Variants in SIAE observed in about 807,000 individuals in gnomAD.
The protein encoded by SIAE is sialic acid acetylesterase, also known as sialate O-acetylesterase.
In SIAE, 39 loss-of-function variants were observed where a neutral mutation model predicts 52.6. The ratio of observed to expected loss-of-function variants is 0.74; its 90% CI spans 0.57 to 0.97. The LOEUF is 0.97. SIAE is among the 50% of genes least tolerant of loss of function. SIAE has a pLI of 0.00. For synonymous variants in SIAE, 233 were observed against 241.4 expected, an observed-to-expected ratio of 0.97 and a Z score of 0.32; for missense variants, 592 against 662.1, an observed-to-expected ratio of 0.89 and a Z score of 1.16.
At chr11:124,672,980 G>GTCCA (rs752951818) in intron 1 of SIAE, among the ~76,000 whole-genome samples, 7 of 152,248 alleles carry the variant, frequency 4.6e-5, no homozygotes, top group Non-Finnish European at 1.0e-4. Flanking sequence ...GTGACCCAGT[G>GTCCA]TCCAGCCTAG....
intron 1 of SIAE, among the ~76,000 whole-genome samples, chr11:124,672,707 A>G (rs1010334364): frequency 6.6e-6 from 1 of 152,222 alleles, no homozygotes; most frequent in African/African-American, 2.4e-5. Context: ...AATGGCATAC[A>G]GAGTGCTAGC....
intron 2 of SIAE, among the ~76,000 whole-genome samples, chr11:124,663,899 G>C (rs1943229482): frequency 6.6e-6 from 1 of 152,218 alleles, no homozygotes; most frequent in African/African-American, 2.4e-5. Context: ...CCTTTCTGCT[G>C]ATAGAGATCA....
chr11:124,652,691 CAAAAAAAAAA>C (rs57632780), intron 4 of SIAE, among the ~76,000 whole-genome samples: 2 of 72,940 alleles, frequency 2.7e-5, no homozygotes, highest in East Asian at 4.2e-4. Context: ...GAGACTCGGT[CAAAAAAAAAA>C]AAAAAAAAAA....
chr11:124,639,933 C>A, intron 7 of SIAE, 66 bp from the exon 8 acceptor site: 2 of 1,562,512 alleles, frequency 1.3e-6, no homozygotes, highest in East Asian at 2.2e-5. Context: ...TTTTCACTGG[C>A]AGACTCTGCT....
intron 7 of SIAE, among the ~76,000 whole-genome samples, chr11:124,641,959 C>CAAAAAAAAAAAAAA (rs11327177): frequency 2.6e-5 from 1 of 39,190 alleles, no homozygotes; most frequent in Non-Finnish European, 5.7e-5. Flanking sequence ...GACTCCATCT[C>CAAAAAAAAAAAAAA]AAAAAAAAAA....
Position 124,648,177 on chromosome 11 carries a change from T to A in SIAE, c.723-2A>T. ...GTTACAGAATCGTATGGAATGGACCTGAAATCATATGATGCACAAGTGTCA... is the reference window on the plus strand; with the variant it reads ...GTTACAGAATCGTATGGAATGGACCAGAAATCATATGATGCACAAGTGTCA... On this transcript the variant is annotated splice_acceptor_variant, in intron 5 of 9. Transcript: ENST00000263593. LOFTEE classifies it high-confidence loss of function. 6.2e-7 allele frequency: 1 copy of A among 1,606,872 alleles called. No individual in the cohort carries two copies.
chr11:124,673,373 T>C (rs1212790420), intron 1 of SIAE, among the ~76,000 whole-genome samples: 2 of 152,132 alleles, frequency 1.3e-5, no homozygotes, highest in African/African-American at 4.8e-5. Flanking sequence ...CATTTGGGCC[T>C]CCCCACTCAG....
Position 124,670,761 on chromosome 11 carries a change from G to T in SIAE, c.68-1240C>A, listed in dbSNP as rs1943340440. Among the ~76,000 whole-genome samples, 1 of 152,178 alleles carries T rather than the reference G, an allele frequency of 6.6e-6. No homozygotes were observed. The highest frequency in any genetic ancestry group is 1.5e-5 in the Non-Finnish European group (1 of 68,026). On this transcript the variant is annotated intron_variant, in intron 1 of 9. Coordinates refer to ENST00000263593, the MANE Select transcript of SIAE (RefSeq NM_170601.5). This position sits in a 1 kb window ranked among gnomAD's most constrained non-coding sequence, Gnocchi z 4.5. ...CTAAAAATCCTCAGCGCTCTCTTAT[G>T]AGCTAGTGTGATCAAGAAACCTACA...
At chr11:124,664,652 G>A (rs1238903179) in intron 2 of SIAE, among the ~76,000 whole-genome samples, 1 of 152,146 alleles carries the variant, frequency 6.6e-6, no homozygotes, top group Non-Finnish European at 1.5e-5. Flanking sequence ...ATAATGGGAA[G>A]AACAAGCAAA....
intron 8 of SIAE, among the ~76,000 whole-genome samples, chr11:124,639,171 A>C (rs545817023): frequency 6.6e-6 from 1 of 152,306 alleles, no homozygotes; most frequent in South Asian, 2.1e-4. Flanking sequence ...TAATCCAGAC[A>C]CTGTGTGTTG....
At chr11:124,642,305 T>C (rs1043079309) in intron 7 of SIAE, among the ~76,000 whole-genome samples, 2 of 152,236 alleles carry the variant, frequency 1.3e-5, no homozygotes, top group Admixed American at 6.5e-5. Flanking sequence ...AGTCAGCTCA[T>C]GTATTTATTC....
intron 3 of SIAE, chr11:124,659,415 T>C (rs1010478391): frequency 3.9e-5 from 6 of 152,156 alleles, no homozygotes; most frequent in Non-Finnish European, 7.3e-5. Flanking sequence ...TTCAGTTTAA[T>C]AAACATTTTA....
In SIAE at chr11:124,645,598, G is replaced by A. The variant is rs60776084; in HGVS notation, c.966+1767C>T. On this transcript the variant is annotated intron_variant, in intron 7 of 9. Transcript: ENST00000263593. The surrounding 1 kb of genome is among the most constrained non-coding windows in gnomAD (Gnocchi z 4.7). Reference sequence around the variant, plus strand: ...TTACAAGCGTGAGCCACCAAGCCCGGCCTGATTGCTATATTTCTAGCACCT... The same window carrying A: ...TTACAAGCGTGAGCCACCAAGCCCGACCTGATTGCTATATTTCTAGCACCT... Among the ~76,000 whole-genome samples the A allele has an allele frequency of 3.7e-4, 56 of 152,236 alleles. No individual in the cohort carries two copies. The highest frequency in any genetic ancestry group is 1.3e-3 in the African/African-American group (55 of 41,544).
chr11:124,673,553 G>T (rs1202753969), intron 1 of SIAE, 89 bp downstream of exon 1: 2 of 1,456,842 alleles, frequency 1.4e-6, no homozygotes, highest in African/African-American at 2.8e-5. Context: ...TTGAGAAAGG[G>T]GCGCGGATCC....
At position 124,660,669 on chromosome 11, in the gene SIAE, G is replaced by T; in HGVS notation, c.364C>A (p.Leu122Ile). 3 of 1,614,164 alleles carry T rather than the reference G, an allele frequency of 1.9e-6. No homozygotes were observed. The highest frequency in any genetic ancestry group is 1.1e-5 in the South Asian group (1 of 91,080). The change falls in exon 3 of 10, where the codon CTC becomes ATC. Residue 122 changes from leucine to isoleucine, a missense_variant. Leu to Ile is a conservative substitution (Grantham distance 5). Coordinates refer to ENST00000263593, the MANE Select transcript of SIAE (RefSeq NM_170601.5). ...TGCATGTTACTCTGCCCACTACAGA[G>T]CCAGACATCTCCAAACAGGACGTCA... The part of the protein sequence containing the change: ...VHDVLFGDVW[L>I]CSGQSNMQMT...
intron 2 of SIAE, among the ~76,000 whole-genome samples, chr11:124,668,624 G>T (rs1410364391): frequency 2.6e-5 from 4 of 152,134 alleles, no homozygotes; most frequent in African/African-American, 9.7e-5. Flanking sequence ...AATCCTGTAG[G>T]TATCATGACG....
In SIAE at chr11:124,637,610, A is replaced by T. The variant is rs754578167; in HGVS notation, c.1321-408T>A. ...CACTCCCAGAGCCACTGCAGAATGA[A>T]GAAGGGGCATAAGATACAAAACCTT... On this transcript the variant is annotated intron_variant, in intron 9 of 9. Coordinates refer to ENST00000263593, the MANE Select transcript of SIAE (RefSeq NM_170601.5). Among the ~76,000 whole-genome samples the T allele has an allele frequency of 7.2e-4, 109 of 152,200 alleles. 3 individuals carry two copies. The highest frequency in any genetic ancestry group is 2.2e-4 in the Non-Finnish European group (15 of 68,026).
chr11:124,650,050 C>A (rs556039800), intron 4 of SIAE, among the ~76,000 whole-genome samples: 1 of 152,274 alleles, frequency 6.6e-6, no homozygotes, highest in South Asian at 2.1e-4. Flanking sequence ...AAACTGTAAC[C>A]TTAGTGATAG....
chr11:124,647,061 T>G (rs767875832), intron 7 of SIAE, among the ~76,000 whole-genome samples: 5 of 152,250 alleles, frequency 3.3e-5, no homozygotes, highest in Admixed American at 1.3e-4. Context: ...AATTATCAAC[T>G]TTTTTAGCTT....
Sources: gnomAD v4.1 joint callset for allele counts (sites outside exome capture counted in the v4.1 genomes callset) on GRCh38, gnomAD v4.1.1 for gene constraint, Gnocchi (gnomAD v3.1) non-coding constraint, MANE v1.5 for transcripts, NCBI Gene and HGNC (gene_info 2026-07-23, HGNC 2026-07-21) for gene names.